The following PHF14 variants were observed in gnomAD, a reference collection of about 807,000 sequenced individuals.
PHF14 encodes PHD finger protein 14.
Under a neutral mutation model 117.9 loss-of-function variants are expected in PHF14, and 55 were observed. The ratio of observed to expected loss-of-function variants is 0.47; its 90% CI spans 0.38 to 0.58. PHF14 has a LOEUF of 0.58. Ranked by LOEUF, PHF14 falls within the 20% of genes least tolerant of loss-of-function variation. PHF14 has a pLI of 0.00. For synonymous variants in PHF14, 409 were observed against 368.6 expected, an observed-to-expected ratio of 1.11 and a Z score of -1.26; for missense variants, 978 against 1,122.2, an observed-to-expected ratio of 0.87 and a Z score of 1.84.
chr7:11,125,172 T>A (rs1286556661), intron 17 of PHF14, among the ~76,000 whole-genome samples: 1 of 152,028 alleles, frequency 6.6e-6, no homozygotes, highest in Non-Finnish European at 1.5e-5. Flanking sequence ...GATCTAAAGG[T>A]GATTTTTTTT....
Position 11,037,110 on chromosome 7 carries a change from A to C in PHF14, c.1980+19A>C. On this transcript the variant is annotated intron_variant, in intron 10 of 17. Coordinates refer to ENST00000634607, the MANE Select transcript of PHF14 (RefSeq NM_001007157.2). Reference sequence around the variant, plus strand: ...TAATAAGGTAAGTTAGCTACAAAATATGCAACATAATGTGATAGATCTTAC... The same window carrying C: ...TAATAAGGTAAGTTAGCTACAAAATCTGCAACATAATGTGATAGATCTTAC... The C allele has an allele frequency of 1.4e-6, 2 of 1,461,112 alleles. No individual in the cohort carries two copies. Among genetic ancestry groups the C allele is most frequent in the Non-Finnish European group, 1.8e-6 (2 of 1,086,132 alleles). 90.5% of individuals were successfully genotyped at this position (1,461,112 alleles called of 1,614,324 possible).
At chr7:11,122,546 A>G (rs1461585971) in intron 17 of PHF14, among the ~76,000 whole-genome samples, 1 of 149,738 alleles carries the variant, frequency 6.7e-6, no homozygotes, top group Non-Finnish European at 1.5e-5. Flanking sequence ...TTCCCTTTCT[A>G]CCCCCTGCTG....
At chr7:11,006,362 A>C in intron 4 of PHF14, 1 of 469,140 alleles carries the variant, frequency 2.1e-6, no homozygotes, top group Non-Finnish European at 4.1e-6. Flanking sequence ...TGGTGAAAAC[A>C]TACACATATA....
intron 17 of PHF14, among the ~76,000 whole-genome samples, chr7:11,145,148 C>T (rs1199577050): frequency 6.6e-6 from 1 of 151,758 alleles, no homozygotes; most frequent in African/African-American, 2.4e-5. Flanking sequence ...AAAAAAAACC[C>T]TCGGGAGGGG....
chr7:10,988,856 TAAAG>T (rs532139093), intron 3 of PHF14, among the ~76,000 whole-genome samples: 17 of 152,136 alleles, frequency 1.1e-4, no homozygotes, highest in Non-Finnish European at 2.1e-4. Flanking sequence ...ATTTTGCAGA[TAAAG>T]AAATTACAGC....
chr7:11,093,495 T>C (rs1443928058), intron 16 of PHF14, among the ~76,000 whole-genome samples: 1 of 152,198 alleles, frequency 6.6e-6, no homozygotes, highest in Non-Finnish European at 1.5e-5. Context: ...CTTTACTATT[T>C]CCTGTGTTTC....
chr7:10,999,897 C>A (rs919243333), intron 4 of PHF14, among the ~76,000 whole-genome samples: 2 of 152,062 alleles, frequency 1.3e-5, no homozygotes, highest in Non-Finnish European at 2.9e-5. Context: ...GATGGCAGTC[C>A]AAGTTATAAA....
chr7:11,104,005 G>A lies in PHF14; in HGVS notation c.2655-7345G>A, dbSNP rs969436711. 11 of 984,832 alleles carry A rather than the reference G, an allele frequency of 1.1e-5. No homozygotes were observed. The African/African-American group carries it at 1.7e-4, about 16-fold the overall frequency. The allele number at this position is 984,832 out of a possible 1,614,324, so 61.0% of individuals were successfully genotyped here. On this transcript the variant is annotated intron_variant, in intron 16 of 17. Transcript: ENST00000634607. ...TTATTACTGTTGCTGAACTCTGGCT[G>A]CTTTTAAGCAAAATGACAGATTGCC...
At chr7:11,050,709 A>G (rs891033758) in intron 13 of PHF14, among the ~76,000 whole-genome samples, 18 of 152,144 alleles carry the variant, frequency 1.2e-4, no homozygotes, top group African/African-American at 4.1e-4. Context: ...CCACTTGTCT[A>G]AAGTTTTAGT....
intron 4 of PHF14, among the ~76,000 whole-genome samples, chr7:11,012,658 G>A (rs1212830998): frequency 6.6e-6 from 1 of 152,162 alleles, no homozygotes; most frequent in Non-Finnish European, 1.5e-5. Context: ...TGTCTGTTGG[G>A]TGTGTTCATG....
intron 2 of PHF14, among the ~76,000 whole-genome samples, chr7:10,979,005 GTATATT>G (rs1289047186): frequency 6.6e-6 from 1 of 152,082 alleles, no homozygotes; most frequent in Non-Finnish European, 1.5e-5. Context: ...TATCTATTGT[GTATATT>G]TATAGTACTA....
intron 16 of PHF14, among the ~76,000 whole-genome samples, chr7:11,095,696 A>G (rs964821720): frequency 6.6e-5 from 10 of 152,186 alleles, no homozygotes; most frequent in African/African-American, 2.4e-4. Flanking sequence ...AGTGAAAAAA[A>G]GTCAAATAAT....
intron 4 of PHF14, among the ~76,000 whole-genome samples, chr7:11,013,532 A>G (rs1393684295): frequency 6.6e-6 from 1 of 152,146 alleles, no homozygotes; most frequent in East Asian, 1.9e-4. Context: ...TAGGACTAAA[A>G]CTATTTTTAA....
At chr7:11,149,319 A>C (rs2128353477) in intron 17 of PHF14, among the ~76,000 whole-genome samples, 1 of 152,270 alleles carries the variant, frequency 6.6e-6, no homozygotes, top group East Asian at 1.9e-4. Context: ...TCGTCATGGC[A>C]AACAATTCCT....
At chr7:11,035,895 A>G (rs896340042) in intron 8 of PHF14, 109 bp downstream of exon 8, 25 of 815,354 alleles carry the variant, frequency 3.1e-5, no homozygotes, top group Non-Finnish European at 4.6e-5. Context: ...AAGTTTGGTT[A>G]GTTACCTAGG....
At chr7:10,976,622 G>A (rs1046094962) in intron 2 of PHF14, among the ~76,000 whole-genome samples, 1 of 151,862 alleles carries the variant, frequency 6.6e-6, no homozygotes, top group Non-Finnish European at 1.5e-5. Context: ...TTTTCAAGTG[G>A]TAAAACAATC....
chr7:11,006,417 G>A (rs28454079), intron 4 of PHF14: 5,821 of 525,188 alleles, frequency 0.011, 254 homozygotes, highest in African/African-American at 0.1. Context: ...TCCCAATTTT[G>A]TTGGCAAGAT....
intron 5 of PHF14, among the ~76,000 whole-genome samples, chr7:11,016,003 G>T (rs1387242774): frequency 2.6e-5 from 4 of 151,998 alleles, no homozygotes; most frequent in African/African-American, 9.7e-5. Context: ...TCAAGTAGTG[G>T]TTACTTCATG....
At chr7:11,119,374 A>T (rs1547945) in intron 17 of PHF14, among the ~76,000 whole-genome samples, 72,939 of 151,650 alleles carry the variant, frequency 0.48, 18,297 homozygotes, top group East Asian at 0.84. Flanking sequence ...ATATTAAAAT[A>T]AGGTTATATA....
Sources: gnomAD v4.1 joint callset for allele counts (sites outside exome capture counted in the v4.1 genomes callset) on GRCh38, gnomAD v4.1.1 for gene constraint, MANE v1.5 for transcripts, NCBI Gene and HGNC (gene_info 2026-07-23, HGNC 2026-07-21) for gene names.